ENG: variants seen among roughly 807,000 people sequenced by gnomAD.
ENG encodes the protein CD105 antigen.
In ENG, 17 loss-of-function variants were observed where a neutral mutation model predicts 71.0. The observed-to-expected ratio is 0.24, with a 90% CI of 0.16 to 0.36. ENG has a LOEUF of 0.36. ENG is among the 10% of genes least tolerant of loss of function. The probability of loss-of-function intolerance (pLI) is 1.00; values close to 1 mark genes in which losing one functional copy is unlikely to be tolerated. For synonymous variants in ENG, 360 were observed against 366.9 expected, an observed-to-expected ratio of 0.98 and a Z score of 0.21; for missense variants, 749 against 868.3, an observed-to-expected ratio of 0.86 and a Z score of 1.73.
At chr9:127,828,387 C>T (rs987095730) in intron 3 of ENG, among the ~76,000 whole-genome samples, 3 of 152,348 alleles carry the variant, frequency 2.0e-5, no homozygotes, top group Admixed American at 1.3e-4. Flanking sequence ...GGGTCGGCCA[C>T]CGAGGCCGCG....
At position 127,818,380 on chromosome 9, in the gene ENG, G is replaced by A. The variant is rs1330077343; in HGVS notation, c.1429-3C>T. 3 of 1,613,090 alleles carry A rather than the reference G, an allele frequency of 1.9e-6. No individual in the cohort carries two copies. The highest frequency in any genetic ancestry group is 2.7e-5 in the African/African-American group (2 of 74,920). ...GAGACGGATGGGGACACTCTGACCT[G>A]CATGGGTAGGTAGGGCCACGCGGCA... On this transcript the variant is annotated splice_polypyrimidine_tract_variant and splice_region_variant and intron_variant, in intron 11 of 14. Coordinates refer to ENST00000373203, the MANE Select transcript of ENG (RefSeq NM_001114753.3).
At position 127,825,828 on chromosome 9, in the gene ENG, C is replaced by A. The variant is rs1427261977; in HGVS notation, c.556G>T (p.Ala186Ser). The part of the protein sequence containing the change: ...QGSLSFCMLE[A>S]SQDMGRTLEW... ...AGCGTGCGGCCCATGTCCTGGCTGG[C>A]TTCCAGCATGCAGAAGGACAGTGAC... The change falls in exon 5 of 15, where the codon GCC becomes TCC. Residue 186 changes from alanine to serine, a missense_variant. Transcript: ENST00000373203. 6.3e-7 allele frequency: 1 copy of A among 1,597,856 alleles called. No homozygotes were observed. Among genetic ancestry groups the A allele is most frequent in the Admixed American group, 1.7e-5 (1 of 58,144 alleles).
At chr9:127,840,041 C>T (rs1048823221) in intron 2 of ENG, among the ~76,000 whole-genome samples, 4 of 152,216 alleles carry the variant, frequency 2.6e-5, no homozygotes, top group Admixed American at 6.5e-5. Flanking sequence ...CCAGGCAGGT[C>T]CTGCGCTTGG....
chr9:127,824,208 G>C, intron 8 of ENG, 96 bp downstream of exon 8: 1 of 1,575,276 alleles, frequency 6.3e-7, no homozygotes, highest in Non-Finnish European at 8.7e-7. Flanking sequence ...GACGTGACTT[G>C]CCCCCCTGCC....
chr9:127,847,282 CT>C (rs1413247722), intron 1 of ENG: 1 of 152,298 alleles, frequency 6.6e-6, no homozygotes, highest in Admixed American at 6.5e-5. Context: ...GTGTCACGGC[CT>C]GGATTTAAAC....
At chr9:127,824,217 C>T in intron 8 of ENG, 87 bp downstream of exon 8, 1 of 1,603,968 alleles carries the variant, frequency 6.2e-7, no homozygotes, top group African/African-American at 1.3e-5. Context: ...TGCCCCCCTG[C>T]CTGGGCTAGG....
At chr9:127,847,905 G>A (rs2417059) in intron 1 of ENG, among the ~76,000 whole-genome samples, 49 of 152,132 alleles carry the variant, frequency 3.2e-4, no homozygotes, top group African/African-American at 9.4e-4. Context: ...CTGGTTCTAC[G>A]ATGCCTGCAG....
intron 2 of ENG, among the ~76,000 whole-genome samples, chr9:127,833,978 TGTGG>T (rs376493309): frequency 6.6e-6 from 1 of 152,302 alleles, no homozygotes; most frequent in African/African-American, 2.4e-5. Context: ...AAGCAGTGAG[TGTGG>T]AGAAGGAACA....
intron 2 of ENG, among the ~76,000 whole-genome samples, chr9:127,840,310 TTGGGGCCAGACGCAG>T (rs1366073814): frequency 6.6e-6 from 1 of 152,206 alleles, no homozygotes; most frequent in Admixed American, 6.5e-5. Flanking sequence ...CAAGAGTTAC[TTGGGGCCAGACGCAG>T]TGGCTCATGC....
intron 13 of ENG, 44 bp downstream of exon 13, chr9:127,817,105 C>T (rs374739542): frequency 9.3e-6 from 15 of 1,610,738 alleles, no homozygotes; most frequent in Non-Finnish European, 1.2e-5. Flanking sequence ...CCTACTGTGA[C>T]CTCAGCCACT....
In ENG at chr9:127,826,684, T is replaced by TG. The variant is rs574076788; in HGVS notation, c.361-13dup. 6.2e-7 allele frequency: 1 copy of TG among 1,613,054 alleles called. No homozygotes were observed. Among genetic ancestry groups the TG allele is most frequent in the South Asian group, 1.1e-5 (1 of 91,054 alleles). ...ACCAGGCTGGAATTCTGGGGAGACA[T>TG]GTGGAGGCTCAGCACGCTGTTCCTG... On this transcript the variant is annotated splice_polypyrimidine_tract_variant and intron_variant, in intron 3 of 14. Coordinates refer to ENST00000373203, the MANE Select transcript of ENG (RefSeq NM_001114753.3).
chr9:127,848,360 G>A (rs1008397756), intron 1 of ENG, among the ~76,000 whole-genome samples: 5 of 151,686 alleles, frequency 3.3e-5, no homozygotes, highest in African/African-American at 1.2e-4. Context: ...TGCAATCATA[G>A]CTCACTGCAA....
rs186991519 is a variant in ENG, at chr9:127,824,103, G to A, written c.1134+201C>T. Among the ~76,000 whole-genome samples the A allele has an allele frequency of 1.1e-4, 16 of 152,310 alleles. No homozygotes were observed. The East Asian group carries it at 3.1e-3, about 29-fold the overall frequency. On this transcript the variant is annotated intron_variant, in intron 8 of 14. Coordinates refer to ENST00000373203, the MANE Select transcript of ENG (RefSeq NM_001114753.3). ...TATGTACCACATCTTACTGTGCCAC[G>A]TGATTGGCCTGTCAGACTGCCTTTA...
chr9:127,853,423 C>T (rs1018460645), intron 1 of ENG, among the ~76,000 whole-genome samples: 15 of 152,264 alleles, frequency 9.9e-5, no homozygotes, highest in African/African-American at 2.6e-4. Context: ...TTGAGGTGGC[C>T]GAGGGATAGG....
intron 8 of ENG, among the ~76,000 whole-genome samples, chr9:127,820,473 G>A (rs1052605889): frequency 2.0e-5 from 3 of 151,544 alleles, no homozygotes; most frequent in African/African-American, 4.8e-5. Flanking sequence ...GATTACAGGC[G>A]TGAGCCACCG....
chr9:127,817,108 C>T lies in ENG; in HGVS notation c.1741+41G>A. On this transcript the variant is annotated intron_variant, in intron 13 of 14. Transcript: ENST00000373203. ...TGCCCGCTGTGCCCTACTGTGACCTCAGCCACTAGAACAAACCCGAGAGAC... is the reference window on the plus strand; with the variant it reads ...TGCCCGCTGTGCCCTACTGTGACCTTAGCCACTAGAACAAACCCGAGAGAC... 1.9e-6 allele frequency: 3 copies of T among 1,612,676 alleles called. No individual in the cohort carries two copies. In the East Asian group the frequency reaches 6.7e-5, roughly 36 times the overall value.
intron 8 of ENG, among the ~76,000 whole-genome samples, chr9:127,821,971 A>AC (rs1830478836): frequency 6.6e-6 from 1 of 151,144 alleles, no homozygotes. Flanking sequence ...AATCACTTGA[A>AC]CCCGGGAGGT....
At chr9:127,817,725 A>AGT in intron 12 of ENG, 1 of 378,942 alleles carries the variant, frequency 2.6e-6, no homozygotes, top group East Asian at 6.1e-5. Flanking sequence ...GAAAGCCAGG[A>AGT]GTGTGTGTCC....
At chr9:127,819,440 G>C in intron 10 of ENG, 182 bp downstream of exon 10, 1 of 754,048 alleles carries the variant, frequency 1.3e-6, no homozygotes, top group Non-Finnish European at 2.2e-6. Flanking sequence ...TGACTTGAGA[G>C]ACCAAGAGCG....
Sources: allele counts gnomAD v4.1 joint callset (sites outside exome capture counted in the v4.1 genomes callset), GRCh38; gene constraint gnomAD v4.1.1; transcripts MANE v1.5; gene names NCBI Gene and HGNC (gene_info 2026-07-23, HGNC 2026-07-21).